ANXA4: variants seen among roughly 807,000 people sequenced by gnomAD.
ANXA4 encodes the protein annexin A4.
A neutral mutation model predicts 49.8 loss-of-function variants in ANXA4; 39 were observed. The observed-to-expected ratio is 0.78, with a 90% CI of 0.61 to 1.02. ANXA4 has a LOEUF of 1.02. ANXA4 is among the 50% of genes least tolerant of loss of function. The probability of loss-of-function intolerance (pLI) is 0.00; values close to 1 mark genes in which losing one functional copy is unlikely to be tolerated. For missense variants in ANXA4, 360 were observed against 410.1 expected (o/e 0.88, Z 1.05); for synonymous variants, 134 against 152.5 (o/e 0.88, Z 0.89).
At chr2:69,761,320 T>C (rs1236933100) in intron 1 of ANXA4, among the ~76,000 whole-genome samples, 1 of 152,186 alleles carries the variant, frequency 6.6e-6, no homozygotes, top group Non-Finnish European at 1.5e-5. Flanking sequence ...TTTCATGAAA[T>C]GTTCAGTTTT....
intron 1 of ANXA4, among the ~76,000 whole-genome samples, chr2:69,779,518 C>A (rs1672112043): frequency 6.6e-6 from 1 of 152,160 alleles, no homozygotes; most frequent in Non-Finnish European, 1.5e-5. Flanking sequence ...CACACCCTGC[C>A]CAAGCTTTTG....
intron 3 of ANXA4, among the ~76,000 whole-genome samples, chr2:69,800,297 G>GGTAT (rs3077588): frequency 0.27 from 40,279 of 151,704 alleles, 5,780 homozygotes; most frequent in Admixed American, 0.45. Context: ...CTAATTCTTT[G>GGTAT]GTTACAAGGA....
intron 2 of ANXA4, among the ~76,000 whole-genome samples, chr2:69,716,880 G>GT (rs1669654566): frequency 6.6e-6 from 1 of 152,234 alleles, no homozygotes; most frequent in Non-Finnish European, 1.5e-5. Flanking sequence ...AGTTGGCGAT[G>GT]TTTAAGTTTT....
Position 69,656,429 on chromosome 2 carries a change from GTA to G in ANXA4, n.766+3159_766+3160del, listed in dbSNP as rs1372447075. Among the ~76,000 whole-genome samples the G allele has an allele frequency of 6.7e-3, 939 of 140,660 alleles. 34 individuals are homozygous for G. The highest frequency in any genetic ancestry group is 0.022 in the African/African-American group (833 of 38,196). The allele number at this position is 140,660 out of a possible 152,430, so 92.3% of individuals were successfully genotyped here. A position where few individuals can be genotyped will look rare whatever the true frequency, so the allele number is the denominator to read the frequency against. On this transcript the variant is annotated intron_variant and non_coding_transcript_variant, in intron 2 of 3. Transcript: ENST00000418066. ...TATATATGTATATATATATGTGTGT[GTA>G]TATATATATATGATACTTGGTCATA...
intron 12 of ANXA4, among the ~76,000 whole-genome samples, chr2:69,823,359 G>C (rs1009451602): frequency 2.7e-5 from 4 of 150,730 alleles, no homozygotes; most frequent in Admixed American, 2.6e-4. Flanking sequence ...CAGAATAGAA[G>C]CATAAAATAT....
At chr2:69,805,279 TA>T (rs1202604027) in intron 4 of ANXA4, among the ~76,000 whole-genome samples, 1 of 151,948 alleles carries the variant, frequency 6.6e-6, no homozygotes, top group African/African-American at 2.4e-5. Flanking sequence ...CTTATGTATA[TA>T]ACAGTAGAAA....
At chr2:69,676,889 A>G (rs1210645731) in intron 2 of ANXA4, among the ~76,000 whole-genome samples, 1 of 152,154 alleles carries the variant, frequency 6.6e-6, no homozygotes, top group Non-Finnish European at 1.5e-5. Context: ...CGGGGGAAAA[A>G]AACAAAAAAA....
At chr2:69,718,106 T>C (rs1451645206) in intron 2 of ANXA4, among the ~76,000 whole-genome samples, 2 of 152,170 alleles carry the variant, frequency 1.3e-5, no homozygotes, top group African/African-American at 4.8e-5. Context: ...TCTCTCACCA[T>C]GGGACTTCTC....
chr2:69,780,923 G>C (rs943435376), intron 1 of ANXA4, among the ~76,000 whole-genome samples: 2 of 152,180 alleles, frequency 1.3e-5, no homozygotes. Flanking sequence ...TGATGAAAGA[G>C]GGGGTGCTGA....
At chr2:69,787,910 A>T in intron 2 of ANXA4, 144 bp from the exon 3 acceptor site, 1 of 655,878 alleles carries the variant, frequency 1.5e-6, no homozygotes, top group Non-Finnish European at 2.6e-6. Context: ...GCAAGAGCTT[A>T]ATTTTTCATG....
intron 2 of ANXA4, among the ~76,000 whole-genome samples, chr2:69,717,301 A>G (rs1304400497): frequency 6.6e-6 from 1 of 152,194 alleles, no homozygotes; most frequent in African/African-American, 2.4e-5. Context: ...GCTTCTGTGC[A>G]GAAAACTGAG....
intron 1 of ANXA4, among the ~76,000 whole-genome samples, chr2:69,753,064 A>G (rs1176162925): frequency 6.6e-6 from 1 of 152,012 alleles, no homozygotes; most frequent in Non-Finnish European, 1.5e-5. Flanking sequence ...ATCTTCCCCT[A>G]CCCTGCAATT....
intron 2 of ANXA4, among the ~76,000 whole-genome samples, chr2:69,699,057 G>A (rs1678250750): frequency 6.6e-6 from 1 of 152,138 alleles, no homozygotes; most frequent in Non-Finnish European, 1.5e-5. Flanking sequence ...GGTGAGGGGG[G>A]ACAACTGAAG....
At chr2:69,644,058 G>A, upstream of ANXA4, 1 of 243,826 alleles carries the variant, frequency 4.1e-6, no homozygotes, top group Non-Finnish European at 6.8e-6. Flanking sequence ...AGGGCGAGGC[G>A]GCAGCCGTGT....
chr2:69,740,829 A>C (rs1191867526), upstream of ANXA4, among the ~76,000 whole-genome samples: 1 of 141,828 alleles, frequency 7.1e-6, no homozygotes, highest in Non-Finnish European at 1.5e-5. Flanking sequence ...CTACAGGCGC[A>C]TGCCACCACA....
At chr2:69,791,382 G>A (rs1434349165) in intron 3 of ANXA4, among the ~76,000 whole-genome samples, 1 of 152,192 alleles carries the variant, frequency 6.6e-6, no homozygotes, top group East Asian at 1.9e-4. Flanking sequence ...TTTGTTGCAA[G>A]AGAAAATGGA....
At chr2:69,820,181 C>A (rs892829918) in intron 11 of ANXA4, among the ~76,000 whole-genome samples, 2 of 150,202 alleles carry the variant, frequency 1.3e-5, no homozygotes, top group Non-Finnish European at 3.0e-5. Flanking sequence ...TATAACAAGA[C>A]AGAATGTAAG....
intron 8 of ANXA4, among the ~76,000 whole-genome samples, chr2:69,812,974 C>T (rs1334753265): frequency 1.3e-5 from 2 of 152,166 alleles, no homozygotes; most frequent in Non-Finnish European, 1.5e-5. Flanking sequence ...CACTGTCTTC[C>T]GAATCCCGTG....
intron 1 of ANXA4, among the ~76,000 whole-genome samples, chr2:69,647,914 T>C (rs951987522): frequency 3.3e-5 from 5 of 152,186 alleles, no homozygotes; most frequent in Non-Finnish European, 7.3e-5. Flanking sequence ...TTATCTATTT[T>C]ATCAAAGAAA....
Sources: allele counts gnomAD v4.1 joint callset (sites outside exome capture counted in the v4.1 genomes callset), GRCh38; gene constraint gnomAD v4.1.1; transcripts MANE v1.5; gene names NCBI Gene and HGNC (gene_info 2026-07-23, HGNC 2026-07-21).